ESR1: variants seen among roughly 807,000 people sequenced by gnomAD.
ESR1 encodes the protein estrogen receptor 1.
Under a neutral mutation model 52.7 loss-of-function variants are expected in ESR1, and 12 were observed. That is an observed-to-expected ratio of 0.23 (90% CI 0.15 to 0.37). ESR1 has a LOEUF of 0.37. Among genes scored for constraint, ESR1 ranks in the 10% least tolerant of loss-of-function variants. The pLI, the probability that ESR1 is intolerant of heterozygous loss-of-function variation, is 1.00. For synonymous variants in ESR1, 305 were observed against 316.8 expected (o/e 0.96, Z 0.39); for missense variants, 584 against 779.7 (o/e 0.75, Z 2.99).
chr6:151,743,853 G>T (rs926681), intron 2 of ESR1, among the ~76,000 whole-genome samples: 3 of 151,936 alleles, frequency 2.0e-5, no homozygotes, highest in Admixed American at 6.6e-5. Flanking sequence ...CTTTCACCAC[G>T]AATTAATCGT....
At chr6:152,074,742 A>G (rs1460647496) in intron 6 of ESR1, among the ~76,000 whole-genome samples, 5 of 152,166 alleles carry the variant, frequency 3.3e-5, no homozygotes, top group Non-Finnish European at 7.3e-5. Flanking sequence ...CCACATCCTC[A>G]TCAGCATTTG....
At chr6:151,798,849 T>C (rs1776956888) in intron 2 of ESR1, among the ~76,000 whole-genome samples, 1 of 152,240 alleles carries the variant, frequency 6.6e-6, no homozygotes, top group South Asian at 2.1e-4. Flanking sequence ...GATATAAGCA[T>C]GAGACCTAAA....
chr6:152,051,103 C>T (rs2046641777), intron 5 of ESR1, among the ~76,000 whole-genome samples: 1 of 152,200 alleles, frequency 6.6e-6, no homozygotes, highest in African/African-American at 2.4e-5. Flanking sequence ...ACTTCTCCCA[C>T]CCCTTATTTC....
intron 2 of ESR1, among the ~76,000 whole-genome samples, chr6:151,878,219 C>T (rs1172004465): frequency 6.6e-6 from 1 of 152,172 alleles, no homozygotes; most frequent in Non-Finnish European, 1.5e-5. Flanking sequence ...GAAGAATACA[C>T]TTTTTGCTTG....
chr6:152,121,439 A>C (rs1267172490), intron 6 of ESR1, among the ~76,000 whole-genome samples: 1 of 152,190 alleles, frequency 6.6e-6, no homozygotes, highest in Non-Finnish European at 1.5e-5. Flanking sequence ...AGAGGATGAA[A>C]GGTTTCCGGA....
Position 151,880,784 on chromosome 6 carries a change from C to T in ESR1, c.760+13C>T. On this transcript the variant is annotated intron_variant, in intron 3 of 7. Transcript: ENST00000206249. ...ATGATGAAAGGTGGTAGGTACATCT[C>T]TCCCAGGGGCCCTTGGGGATGGCCC... 7.1e-7 allele frequency: 1 copy of T among 1,405,588 alleles called. No homozygotes were observed. 87.1% of individuals were successfully genotyped at this position (1,405,588 alleles called of 1,614,324 possible).
exon 7 of ESR1, chr6:152,129,068 C>T (rs370236317): frequency 6.6e-6 from 1 of 152,226 alleles, no homozygotes; most frequent in Admixed American, 6.5e-5. Flanking sequence ...AGCTGAAAGG[C>T]GCCTTGCGAG....
intron 2 of ESR1, among the ~76,000 whole-genome samples, chr6:151,845,534 C>T (rs1160507777): frequency 1.3e-5 from 2 of 152,050 alleles, no homozygotes; most frequent in Non-Finnish European, 2.9e-5. Flanking sequence ...ATGCCACTGC[C>T]GTCCAGCCTG....
intron 6 of ESR1, among the ~76,000 whole-genome samples, chr6:152,123,046 C>G (rs930455709): frequency 6.6e-6 from 1 of 152,214 alleles, no homozygotes; most frequent in Non-Finnish European, 1.5e-5. Flanking sequence ...TTTGATGCAG[C>G]ATATTTTTGT....
At chr6:152,072,784 T>G (rs536290186) in intron 6 of ESR1, among the ~76,000 whole-genome samples, 1 of 152,362 alleles carries the variant, frequency 6.6e-6, no homozygotes, top group East Asian at 1.9e-4. Context: ...TCTTTAAAAT[T>G]GGAATCAACA....
At chr6:152,073,906 T>C (rs1259247202) in intron 6 of ESR1, among the ~76,000 whole-genome samples, 1 of 152,160 alleles carries the variant, frequency 6.6e-6, no homozygotes, top group Non-Finnish European at 1.5e-5. Context: ...TGAATCATTG[T>C]TTTTCATTTT....
intron 6 of ESR1, among the ~76,000 whole-genome samples, chr6:152,074,362 G>C (rs755530575): frequency 2.2e-4 from 33 of 152,086 alleles, no homozygotes; most frequent in Non-Finnish European, 4.1e-4. Context: ...TTTCAGATTG[G>C]CTTCTTTCAC....
intron 2 of ESR1, among the ~76,000 whole-genome samples, chr6:151,720,116 G>T (rs1056484571): frequency 1.3e-5 from 2 of 152,132 alleles, no homozygotes; most frequent in Admixed American, 6.5e-5. Context: ...GTCAGCCTAA[G>T]GTTACAAGAT....
At chr6:152,118,999 G>A (rs1347703452) in intron 6 of ESR1, among the ~76,000 whole-genome samples, 2 of 152,152 alleles carry the variant, frequency 1.3e-5, no homozygotes, top group Non-Finnish European at 2.9e-5. Context: ...GTTTGGCGAT[G>A]GTGCTGGTGA....
intron 4 of ESR1, among the ~76,000 whole-genome samples, chr6:151,945,288 A>G (rs572291961): frequency 2.0e-5 from 3 of 152,358 alleles, no homozygotes; most frequent in African/African-American, 7.2e-5. Context: ...TAATAAGTGT[A>G]TTTACTGAAT....
rs760465612 is a variant in ESR1 at position 151,808,056 on chromosome 6, G to C, written c.144G>C (p.Lys48Asn). ...PLGEVYLDSS[K>N]PAVYNYPEGA... is the part of the protein sequence containing the mutation. ...GCGAGGTGTACCTGGACAGCAGCAA[G>C]CCCGCCGTGTACAACTACCCCGAGG... Residue 48 changes from lysine (K) to asparagine (N), a missense_variant, in exon 1 of 8, where the codon AAG becomes AAC. Transcript: ENST00000206249. The C allele has an allele frequency of 6.2e-7, 1 of 1,613,414 alleles. No individual in the cohort carries two copies. The highest frequency in any genetic ancestry group is 1.3e-5 in the African/African-American group (1 of 74,930).
chr6:152,003,969 G>C (rs1244212135), intron 4 of ESR1, among the ~76,000 whole-genome samples: 1 of 151,882 alleles, frequency 6.6e-6, no homozygotes, highest in African/African-American at 2.4e-5. Context: ...TATATTTAAA[G>C]TAAAGAACAA....
chr6:152,057,633 G>A (rs2047204641), intron 5 of ESR1, among the ~76,000 whole-genome samples: 1 of 151,594 alleles, frequency 6.6e-6, no homozygotes, highest in Non-Finnish European at 1.5e-5. Context: ...ATCATAATAT[G>A]TCTATGATTA....
At chr6:151,964,859 G>T (rs1278358216) in intron 4 of ESR1, among the ~76,000 whole-genome samples, 1 of 152,054 alleles carries the variant, frequency 6.6e-6, no homozygotes, top group African/African-American at 2.4e-5. Flanking sequence ...AGCCAGGATG[G>T]TCTCGATCTC....
Sources: allele counts gnomAD v4.1 joint callset (sites outside exome capture counted in the v4.1 genomes callset), GRCh38; gene constraint gnomAD v4.1.1; transcripts MANE v1.5; gene names NCBI Gene and HGNC (gene_info 2026-07-23, HGNC 2026-07-21).